Variants in CLVS1 observed in about 807,000 individuals in gnomAD.
CLVS1 encodes the protein clavesin-1.
In CLVS1, 10 loss-of-function variants were observed where a neutral mutation model predicts 33.1. The observed-to-expected ratio is 0.30, with a 90% CI of 0.19 to 0.51. The LOEUF (loss-of-function observed/expected upper bound fraction) is 0.51. Among genes scored for constraint, CLVS1 ranks in the 20% least tolerant of loss-of-function variants. CLVS1 has a pLI of 0.97. For synonymous variants in CLVS1, 163 were observed against 166.1 expected, an observed-to-expected ratio of 0.98 and a Z score of 0.14; for missense variants, 343 against 433.4, an observed-to-expected ratio of 0.79 and a Z score of 1.85.
chr8:61,356,246 G>C (rs1347766220), intron 2 of CLVS1, among the ~76,000 whole-genome samples: 10 of 152,110 alleles, frequency 6.6e-5, no homozygotes, highest in East Asian at 3.9e-4. Context: ...CCTTCACCCA[G>C]TTTTTGATGG....
Position 61,430,453 on chromosome 8 carries a change from C to T in CLVS1, c.631-23688C>T, listed in dbSNP as rs774600062. ...AAGGAGGGGGAAATAAAATTCCCCCCAAGGGCACTTACTTGTCTTCCATGT... is the reference window on the plus strand; with the variant it reads ...AAGGAGGGGGAAATAAAATTCCCCCTAAGGGCACTTACTTGTCTTCCATGT... On this transcript the variant is annotated intron_variant, in intron 3 of 5. Coordinates refer to ENST00000325897, the MANE Select transcript of CLVS1 (RefSeq NM_173519.3). Among the ~76,000 whole-genome samples the T allele has an allele frequency of 8.7e-4, 133 of 152,156 alleles. 5 individuals carry two copies. Among genetic ancestry groups the T allele is most frequent in the Non-Finnish European group, 7.2e-4 (49 of 68,024 alleles).
intron 1 of CLVS1, among the ~76,000 whole-genome samples, chr8:61,291,802 C>T (rs746576399): frequency 3.9e-5 from 6 of 152,090 alleles, no homozygotes; most frequent in African/African-American, 7.2e-5. Context: ...ATTATGAGTG[C>T]CATTGCTCCA....
At chr8:61,139,881 C>T (rs1168975040) in intron 2 of CLVS1, among the ~76,000 whole-genome samples, 1 of 152,168 alleles carries the variant, frequency 6.6e-6, no homozygotes, top group Non-Finnish European at 1.5e-5. Flanking sequence ...CGAGGCTACA[C>T]CTGGTCCTGG....
At chr8:60,993,972 C>G in the CLVS1 span, among the ~76,000 whole-genome samples, 1 of 152,184 alleles carries the variant, frequency 6.6e-6, no homozygotes, top group African/African-American at 2.4e-5. Context: ...GCCTTTCTGT[C>G]CTTGCTCCTA....
the CLVS1 span, among the ~76,000 whole-genome samples, chr8:61,033,036 A>G: frequency 2.8e-3 from 342 of 120,140 alleles, 1 homozygote; most frequent in African/African-American, 9.9e-3. Context: ...AAAGAAAGAA[A>G]GAAAGAAAGA....
chr8:61,317,946 G>A (rs1811067340), intron 2 of CLVS1, among the ~76,000 whole-genome samples: 1 of 152,104 alleles, frequency 6.6e-6, no homozygotes, highest in African/African-American at 2.4e-5. Context: ...TTTTACCTGT[G>A]TCTTTGCCCA....
intron 5 of CLVS1, among the ~76,000 whole-genome samples, chr8:61,492,029 G>A (rs999377454): frequency 6.6e-6 from 1 of 152,154 alleles, no homozygotes; most frequent in Non-Finnish European, 1.5e-5. Context: ...TTAGAACAGC[G>A]AGTGCTAGTG....
At chr8:61,044,665 G>T in the CLVS1 span, among the ~76,000 whole-genome samples, 3 of 152,168 alleles carry the variant, frequency 2.0e-5, no homozygotes, top group Non-Finnish European at 4.4e-5. Context: ...AGCTGAAAAT[G>T]GACTATTGCT....
chr8:60,976,458 A>G, the CLVS1 span, among the ~76,000 whole-genome samples: 1 of 152,046 alleles, frequency 6.6e-6, no homozygotes, highest in African/African-American at 2.4e-5. Flanking sequence ...CTTGGGCTCA[A>G]GCAATTTTCC....
intron 3 of CLVS1, among the ~76,000 whole-genome samples, chr8:61,415,576 C>G (rs909217377): frequency 6.6e-6 from 1 of 152,170 alleles, no homozygotes; most frequent in Non-Finnish European, 1.5e-5. Context: ...TCCTTGTCAT[C>G]AAAAATTCCT....
intron 1 of CLVS1, among the ~76,000 whole-genome samples, chr8:61,127,691 AGATAT>A (rs1220210522): frequency 6.6e-6 from 1 of 152,230 alleles, no homozygotes; most frequent in Non-Finnish European, 1.5e-5. Context: ...TTAACTGATA[AGATAT>A]ATCTTTGAAT....
upstream of CLVS1, among the ~76,000 whole-genome samples, chr8:61,052,496 GGGAGT>G (rs1382669681): frequency 0.23 from 12,160 of 53,606 alleles, 628 homozygotes; most frequent in African/African-American, 0.42. Context: ...GACCCAGGGA[GGGAGT>G]CATGCCGAGA....
At chr8:61,278,282 A>T (rs1220162798) in intron 2 of CLVS1, among the ~76,000 whole-genome samples, 2 of 152,220 alleles carry the variant, frequency 1.3e-5, no homozygotes. Context: ...TACATCTACT[A>T]AATAAAGATA....
the CLVS1 span, among the ~76,000 whole-genome samples, chr8:61,043,354 A>G: frequency 6.6e-6 from 1 of 152,234 alleles, no homozygotes; most frequent in Non-Finnish European, 1.5e-5. Flanking sequence ...AAAGAATGGC[A>G]GAGGCTAAGT....
chr8:61,474,595 A>G (rs749562441), intron 5 of CLVS1, among the ~76,000 whole-genome samples: 18 of 152,136 alleles, frequency 1.2e-4, no homozygotes, highest in Non-Finnish European at 2.6e-4. Flanking sequence ...GTAAAGAGGG[A>G]GAATTGGAAG....
intron 2 of CLVS1, among the ~76,000 whole-genome samples, chr8:61,256,121 C>T (rs1468403369): frequency 6.6e-6 from 1 of 152,174 alleles, no homozygotes; most frequent in African/African-American, 2.4e-5. Context: ...ACTCCCAATT[C>T]CCCCATCCTC....
At chr8:61,258,309 C>A (rs913430968) in intron 2 of CLVS1, among the ~76,000 whole-genome samples, 5 of 152,110 alleles carry the variant, frequency 3.3e-5, no homozygotes, top group Admixed American at 3.3e-4. Context: ...AAGAAAGCAA[C>A]CTGTCTCAGT....
At chr8:61,106,823 AT>A (rs1209721667) in intron 1 of CLVS1, among the ~76,000 whole-genome samples, 1 of 152,090 alleles carries the variant, frequency 6.6e-6, no homozygotes, top group East Asian at 1.9e-4. Context: ...TCTTACCAAT[AT>A]ATTGAGACCA....
At chr8:61,170,333 C>T (rs545657451) in intron 2 of CLVS1, among the ~76,000 whole-genome samples, 1 of 152,208 alleles carries the variant, frequency 6.6e-6, no homozygotes, top group East Asian at 1.9e-4. Flanking sequence ...ACTTTCTCCC[C>T]CTCTCTTTCC....
Sources: allele counts gnomAD v4.1 joint callset (sites outside exome capture counted in the v4.1 genomes callset), GRCh38; gene constraint gnomAD v4.1.1; transcripts MANE v1.5; gene names NCBI Gene and HGNC (gene_info 2026-07-23, HGNC 2026-07-21).